MAGI2: variants seen among roughly 807,000 people sequenced by gnomAD.
MAGI2 encodes membrane associated guanylate kinase, WW and PDZ domain containing 2, also known as membrane-associated guanylate kinase, WW and PDZ domain-containing protein 2.
Under a neutral mutation model 133.3 loss-of-function variants are expected in MAGI2, and 35 were observed. The observed-to-expected ratio is 0.26, with a 90% confidence interval of 0.20 to 0.35. The LOEUF (loss-of-function observed/expected upper bound fraction) is 0.35. MAGI2 is among the 10% of genes least tolerant of loss of function. The pLI, the probability that MAGI2 is intolerant of heterozygous loss-of-function variation, is 1.00. For synonymous variants in MAGI2, 729 were observed against 710.6 expected (o/e 1.03, Z -0.41); for missense variants, 1,636 against 1,863.4 (o/e 0.88, Z 2.25).
At chr7:78,114,937 A>G (rs972014865) in intron 20 of MAGI2, among the ~76,000 whole-genome samples, 3 of 152,262 alleles carry the variant, frequency 2.0e-5, no homozygotes, top group African/African-American at 7.2e-5. Context: ...GGCAACTGCC[A>G]GCTCTAAAGC....
At chr7:78,196,679 G>A (rs1294397347) in intron 11 of MAGI2, among the ~76,000 whole-genome samples, 2 of 152,152 alleles carry the variant, frequency 1.3e-5, no homozygotes, top group African/African-American at 2.4e-5. Flanking sequence ...GGCCTGCCCT[G>A]CCCACCTGGG....
chr7:79,347,707 A>T (rs1689468986), intron 1 of MAGI2, among the ~76,000 whole-genome samples: 2 of 151,734 alleles, frequency 1.3e-5, no homozygotes, highest in South Asian at 4.1e-4. Flanking sequence ...TTACAGATAT[A>T]CTCTGTTTGT....
At chr7:78,456,323 T>C (rs1444310970) in intron 6 of MAGI2, among the ~76,000 whole-genome samples, 1 of 152,220 alleles carries the variant, frequency 6.6e-6, no homozygotes, top group Non-Finnish European at 1.5e-5. Flanking sequence ...GGACATATTC[T>C]ACCTTCCATC....
At chr7:78,950,200 T>C (rs1801753422) in intron 2 of MAGI2, among the ~76,000 whole-genome samples, 1 of 152,204 alleles carries the variant, frequency 6.6e-6, no homozygotes, top group South Asian at 2.1e-4. Flanking sequence ...ATTCACCTAA[T>C]ACATTTGTTG....
At chr7:79,259,347 G>T in intron 1 of MAGI2, among the ~76,000 whole-genome samples, 1 of 152,052 alleles carries the variant, frequency 6.6e-6, no homozygotes, top group African/African-American at 2.4e-5. Flanking sequence ...GATCTTAGAG[G>T]CAATCAGCCA....
At chr7:78,842,549 T>A (rs1248195786) in intron 2 of MAGI2, among the ~76,000 whole-genome samples, 1 of 151,932 alleles carries the variant, frequency 6.6e-6, no homozygotes, top group African/African-American at 2.4e-5. Context: ...GTTTATATCA[T>A]TTTTAACAAA....
At chr7:78,393,574 A>C (rs547255959) in intron 6 of MAGI2, among the ~76,000 whole-genome samples, 1 of 152,276 alleles carries the variant, frequency 6.6e-6, no homozygotes, top group East Asian at 1.9e-4. Context: ...TTTCTTCATA[A>C]ATCAAGCAGA....
At chr7:78,171,195 T>C (rs1045537795) in intron 14 of MAGI2, among the ~76,000 whole-genome samples, 7 of 152,244 alleles carry the variant, frequency 4.6e-5, no homozygotes, top group African/African-American at 1.7e-4. Flanking sequence ...TTTGTACCCT[T>C]GACACATTCT....
chr7:79,376,690 C>T (rs1049437379), intron 1 of MAGI2, among the ~76,000 whole-genome samples: 1 of 151,800 alleles, frequency 6.6e-6, no homozygotes, highest in Non-Finnish European at 1.5e-5. Context: ...CTCAGTACAG[C>T]CCGAAATTTT....
rs1562785360 is a variant in MAGI2, at chr7:79,011,921, C to CT, written c.302-4716dup. Among the ~76,000 whole-genome samples, 832 of 125,518 alleles carry CT rather than the reference C, an allele frequency of 6.6e-3. 6 individuals are homozygous for CT. The highest frequency in any genetic ancestry group is 0.024 in the African/African-American group (710 of 30,170). 82.3% of individuals were successfully genotyped at this position (125,518 alleles called of 152,430 possible). A position where few individuals can be genotyped will look rare whatever the true frequency, so the allele number is the denominator to read the frequency against. On this transcript the variant is annotated intron_variant, in intron 1 of 21. Coordinates refer to ENST00000354212, the MANE Select transcript of MAGI2 (RefSeq NM_012301.4). ...CCTTCCTTCCTTCCTTCCTTCCTTC[C>CT]TTCCTTTCTTTCTTTCTTTCTTTCT... is the stretch of plus-strand genomic sequence containing the variant.
At position 78,026,659 on chromosome 7, in the gene MAGI2, G is replaced by A. The variant is rs1808946944; in HGVS notation, c.3707-6683C>T. Among the ~76,000 whole-genome samples, 2 of 152,194 alleles carry A rather than the reference G, an allele frequency of 1.3e-5. 1 individual carries two copies. Among genetic ancestry groups the A allele is most frequent in the South Asian group, 4.1e-4 (2 of 4,830 alleles). On this transcript the variant is annotated intron_variant, in intron 21 of 21. Coordinates refer to ENST00000354212, the MANE Select transcript of MAGI2 (RefSeq NM_012301.4). ...AGCCAGAGACTGTGGGCAATGGTGG[G>A]GTTCGGGTGGGGCCGGAGGTGGGGT... is the stretch of plus-strand genomic sequence containing the variant.
At chr7:78,299,812 CTTTT>C (rs1235382933) in intron 9 of MAGI2, among the ~76,000 whole-genome samples, 3 of 152,068 alleles carry the variant, frequency 2.0e-5, no homozygotes, top group East Asian at 3.9e-4. Context: ...TCGTCTTATT[CTTTT>C]TGTTTTCTTC....
chr7:78,513,387 C>G (rs1795770592), intron 4 of MAGI2, among the ~76,000 whole-genome samples: 1 of 152,092 alleles, frequency 6.6e-6, no homozygotes, highest in Admixed American at 6.6e-5. Flanking sequence ...ACCTTATGCC[C>G]TCTTCAAAAA....
intron 9 of MAGI2, among the ~76,000 whole-genome samples, chr7:78,324,125 A>C (rs1303222960): frequency 6.8e-6 from 1 of 146,364 alleles, no homozygotes; most frequent in East Asian, 2.0e-4. Flanking sequence ...AAAATAATTG[A>C]CACACTACAC....
At chr7:78,114,080 G>A (rs1006053996) in intron 20 of MAGI2, among the ~76,000 whole-genome samples, 3 of 152,204 alleles carry the variant, frequency 2.0e-5, no homozygotes, top group South Asian at 2.1e-4. Context: ...CAGCCAGTGA[G>A]TTGTTGAGCC....
chr7:78,469,626 C>T (rs907462999), intron 6 of MAGI2, among the ~76,000 whole-genome samples: 3 of 152,098 alleles, frequency 2.0e-5, no homozygotes, highest in Non-Finnish European at 2.9e-5. Context: ...AATTTTGTTT[C>T]TCCCAATTAT....
intron 21 of MAGI2, among the ~76,000 whole-genome samples, chr7:78,034,270 G>A (rs1809924091): frequency 6.6e-6 from 1 of 152,094 alleles, no homozygotes. Context: ...AGAAAGTTGG[G>A]GGGAAAAAAG....
intron 1 of MAGI2, among the ~76,000 whole-genome samples, chr7:79,445,177 A>G (rs1848760654): frequency 6.6e-6 from 1 of 152,232 alleles, no homozygotes; most frequent in African/African-American, 2.4e-5. Context: ...AGATGGATTA[A>G]AGACTTAAAT....
chr7:78,963,462 G>GA (rs1252298995), intron 2 of MAGI2, among the ~76,000 whole-genome samples: 1 of 152,112 alleles, frequency 6.6e-6, no homozygotes, highest in African/African-American at 2.4e-5. Flanking sequence ...AGATCTGAAA[G>GA]AAAAAACATA....
Sources: gnomAD v4.1 joint callset for allele counts (sites outside exome capture counted in the v4.1 genomes callset) on GRCh38, gnomAD v4.1.1 for gene constraint, MANE v1.5 for transcripts, NCBI Gene and HGNC (gene_info 2026-07-23, HGNC 2026-07-21) for gene names.